The following HCFC2 variants were observed in gnomAD, a reference collection of about 807,000 sequenced individuals.
The protein encoded by HCFC2 is host cell factor C2, also known as host cell factor 2.
In HCFC2, 18 loss-of-function variants were observed where a neutral mutation model predicts 89.2. The observed-to-expected ratio is 0.20, with a 90% CI of 0.14 to 0.30. The LOEUF is 0.30. Among genes scored for constraint, HCFC2 ranks in the 10% least tolerant of loss-of-function variants. HCFC2 has a pLI of 1.00. For missense variants in HCFC2, 578 were observed against 956.1 expected (o/e 0.60, Z 5.21); for synonymous variants, 308 against 335.7 (o/e 0.92, Z 0.90).
At chr12:104,086,793 C>G in intron 7 of HCFC2, 54 bp from the exon 8 acceptor site, 1 of 1,508,186 alleles carries the variant, frequency 6.6e-7, no homozygotes, top group Non-Finnish European at 9.1e-7. Flanking sequence ...ATTATATCAG[C>G]AAACCATTTA....
rs1364815628 is a variant in HCFC2, at chr12:104,103,794, C to G, written c.*521C>G. 6.6e-6 allele frequency: 1 copy of G among 152,040 alleles called. No individual in the cohort carries two copies. The highest frequency in any genetic ancestry group is 1.5e-5 in the Non-Finnish European group (1 of 67,972). The allele number at this position is 152,040 out of a possible 1,614,324, so 9.4% of individuals were successfully genotyped here. ...ATTCTAATAGTTATTTGATTCCTTT[C>G]TTTGTTTACAGTTAGCACAGAGCTT... is the stretch of plus-strand genomic sequence containing the variant. On this transcript the variant is annotated 3_prime_UTR_variant, in exon 15 of 15. Coordinates refer to ENST00000229330, the MANE Select transcript of HCFC2 (RefSeq NM_013320.3).
chr12:104,082,815 G>A lies in HCFC2; in HGVS notation c.977G>A (p.Arg326Gln), dbSNP rs1883724164. The change falls in exon 7 of 15, where the codon CGA becomes CAA. Residue 326 changes from arginine to glutamine, a missense_variant. Transcript: ENST00000229330. Reference sequence around the variant, plus strand: ...CACTGTGCTGTTGCAATCGGCACTCGATTGTATTTTTGGAGTGGAAGAGAT... The same window carrying A: ...CACTGTGCTGTTGCAATCGGCACTCAATTGTATTTTTGGAGTGGAAGAGAT... ...AGHCAVAIGT[R>Q]LYFWSGRDGY... The A allele has an allele frequency of 1.2e-6, 2 of 1,613,798 alleles. No individual in the cohort carries two copies. Among genetic ancestry groups the A allele is most frequent in the Admixed American group, 1.7e-5 (1 of 59,968 alleles).
chr12:104,088,609 A>T (rs1883936370), intron 9 of HCFC2, among the ~76,000 whole-genome samples: 1 of 152,198 alleles, frequency 6.6e-6, no homozygotes, highest in African/African-American at 2.4e-5. Context: ...GTAAACTGCC[A>T]TCTACCTCAG....
chr12:104,103,134 A>G lies in HCFC2; in HGVS notation c.2240A>G (p.Gln747Arg). Residue 747 changes from glutamine to arginine, a missense_variant, in exon 15 of 15, where the codon CAA becomes CGA. Around this residue, in one of 4 missense-constraint regions of HCFC2, gnomAD observed 140 missense variants for 266.4 expected, o/e 0.53. Transcript: ENST00000229330. ...LKTSCIVTAGQLANAHIDYTS... is the reference protein window; with the variant it reads ...LKTSCIVTAGRLANAHIDYTS... ...ACATCATGTATAGTAACTGCTGGGC[A>G]ACTTGCAAATGCACATATTGATTAT... is the stretch of plus-strand genomic sequence containing the variant. 1 of 1,614,186 alleles carries G rather than the reference A, an allele frequency of 6.2e-7. No homozygotes were observed. Among genetic ancestry groups the G allele is most frequent in the Non-Finnish European group, 8.5e-7 (1 of 1,179,990 alleles).
Position 104,102,126 on chromosome 12 carries a change from A to T in HCFC2, c.2037A>T (p.Gly679=). ...EFKTCIPGFP[G]APSAVRISKN... ...AAACTTGTATTCCTGGTTTTCCTGG[A>T]GCTCCTTCTGCAGTCAGAATTTCAA... The change falls in exon 14 of 15, where the codon GGA becomes GGT. Residue 679 remains glycine (G), a synonymous_variant. Transcript: ENST00000229330. The T allele has an allele frequency of 6.2e-7, 1 of 1,613,762 alleles. No homozygotes were observed.
At chr12:104,102,649 G>A (rs112032346) in intron 14 of HCFC2, among the ~76,000 whole-genome samples, 82 of 152,222 alleles carry the variant, frequency 5.4e-4, no homozygotes, top group African/African-American at 1.8e-3. Flanking sequence ...TAGAGCACTC[G>A]AAACTGGATT....
At chr12:104,066,600 C>T (rs1054373560) in intron 2 of HCFC2, among the ~76,000 whole-genome samples, 1 of 152,202 alleles carries the variant, frequency 6.6e-6, no homozygotes, top group East Asian at 1.9e-4. Context: ...ATATCTGTTA[C>T]GTAGCATCAG....
intron 7 of HCFC2, 32 bp from the exon 8 acceptor site, chr12:104,086,815 C>T: frequency 4.4e-6 from 7 of 1,596,058 alleles, no homozygotes; most frequent in Non-Finnish European, 6.0e-6. Context: ...ACACTGGAAA[C>T]TTAAATGTAT....
Position 104,103,098 on chromosome 12 carries a change from G to T in HCFC2, c.2204G>T (p.Cys735Phe). 1 of 1,614,044 alleles carries T rather than the reference G, an allele frequency of 6.2e-7. No individual in the cohort carries two copies. Among genetic ancestry groups the T allele is most frequent in the Non-Finnish European group, 8.5e-7 (1 of 1,179,944 alleles). Residue 735 changes from cysteine to phenylalanine, a missense_variant, in exon 15 of 15, where the codon TGT (cysteine) becomes TTT (phenylalanine). Physicochemically the swap from Cys to Phe is radical, Grantham distance 205. This residue lies in a region of HCFC2 where 140 missense variants were observed against 266.4 expected (regional missense o/e 0.53). Transcript: ENST00000229330. ...CAACTTGTGTTCATGAGGATTTATT[G>T]TGGTCTTAAGACATCATGTATAGTA... ...PSQLVFMRIY[C>F]GLKTSCIVTA...
At position 104,103,352 on chromosome 12, in the gene HCFC2, T is replaced by A; in HGVS notation, c.*79T>A. On this transcript the variant is annotated 3_prime_UTR_variant, in exon 15 of 15. Transcript: ENST00000229330. ...TATGAAGATTTGTCATTTAAAAGAG[T>A]ATTCTCTGGCTGTATTTCCAGCAGT... The A allele has an allele frequency of 8.4e-7, 1 of 1,186,612 alleles. No individual in the cohort carries two copies. Among genetic ancestry groups the A allele is most frequent in the Non-Finnish European group, 1.2e-6 (1 of 839,162 alleles). 73.5% of individuals were successfully genotyped at this position (1,186,612 alleles called of 1,614,324 possible).
chr12:104,078,714 C>T (rs1883589285), intron 3 of HCFC2, among the ~76,000 whole-genome samples: 1 of 151,886 alleles, frequency 6.6e-6, no homozygotes, highest in African/African-American at 2.4e-5. Context: ...GTAAACTGCC[C>T]CAAAATTTAA....
chr12:104,095,596 A>T lies in HCFC2; in HGVS notation c.1666+33A>T, dbSNP rs542784103. 5.6e-5 allele frequency: 86 copies of T among 1,532,800 alleles called. 2 individuals carry two copies. In the South Asian group the frequency reaches 8.8e-4, roughly 16 times the overall value. The allele number at this position is 1,532,800 out of a possible 1,614,324, so 94.9% of individuals were successfully genotyped here. A position where few individuals can be genotyped will look rare whatever the true frequency, so the allele number is the denominator to read the frequency against. On this transcript the variant is annotated intron_variant, in intron 11 of 14. Transcript: ENST00000229330. The surrounding 1 kb of genome is among the most constrained non-coding windows in gnomAD (Gnocchi z 4.2). ...ATGTGTTTCACATACTGTATTTTGA[A>T]CCATTTATGTATATAAATTCATCAA...
At chr12:104,097,165 T>C (rs1884201510) in intron 12 of HCFC2, among the ~76,000 whole-genome samples, 1 of 152,184 alleles carries the variant, frequency 6.6e-6, no homozygotes, top group African/African-American at 2.4e-5. Context: ...ACTTAATTTC[T>C]GTGAGCAAGA....
chr12:104,081,763 G>C (rs1883692041), intron 5 of HCFC2, among the ~76,000 whole-genome samples: 1 of 152,022 alleles, frequency 6.6e-6, no homozygotes, highest in Admixed American at 6.6e-5. Context: ...GCTGTAGCCA[G>C]GCGTGGTGGC....
chr12:104,074,360 G>A (rs764043950), intron 3 of HCFC2, among the ~76,000 whole-genome samples: 8 of 151,936 alleles, frequency 5.3e-5, no homozygotes, highest in African/African-American at 1.2e-4. Flanking sequence ...AGGTCTTTCC[G>A]TGTTGCCCAG....
At chr12:104,079,325 G>A (rs1883610416) in intron 3 of HCFC2, 120 bp from the exon 4 acceptor site, 1 of 750,778 alleles carries the variant, frequency 1.3e-6, no homozygotes, top group Non-Finnish European at 2.1e-6. Context: ...CTCTCCTAAT[G>A]CCTTTCTGTA....
At chr12:104,067,527 T>G (rs1883186626) in intron 2 of HCFC2, among the ~76,000 whole-genome samples, 1 of 152,230 alleles carries the variant, frequency 6.6e-6, no homozygotes, top group African/African-American at 2.4e-5. Context: ...AGAGAATAAG[T>G]TTTGGAATTT....
rs2030007434 is a variant in HCFC2, at chr12:104,103,392, T to C, written c.*119T>C. ...TTTCCAGCAGTTATGAACTTGAGTT[T>C]GTAAATTGTTCTTAAAATGTATTTG... On this transcript the variant is annotated 3_prime_UTR_variant, in exon 15 of 15. Coordinates refer to ENST00000229330, the MANE Select transcript of HCFC2 (RefSeq NM_013320.3). 2.5e-6 allele frequency: 2 copies of C among 813,454 alleles called. No individual in the cohort carries two copies. The highest frequency in any genetic ancestry group is 3.8e-6 in the Non-Finnish European group (2 of 532,294). 50.4% of individuals were successfully genotyped at this position (813,454 alleles called of 1,614,324 possible). A position where few individuals can be genotyped will look rare whatever the true frequency, so the allele number is the denominator to read the frequency against.
Position 104,093,466 on chromosome 12 carries a change from A to C in HCFC2, c.1365A>C (p.Lys455Asn). 1 of 1,613,468 alleles carries C rather than the reference A, an allele frequency of 6.2e-7. No homozygotes were observed. Among genetic ancestry groups the C allele is most frequent in the Non-Finnish European group, 8.5e-7 (1 of 1,179,590 alleles). Residue 455 changes from lysine (K) to asparagine (N), a missense_variant, in exon 10 of 15, where the codon AAA becomes AAC. Coordinates refer to ENST00000229330, the MANE Select transcript of HCFC2 (RefSeq NM_013320.3). ...ETSMKNKPDF[K>N]ALTDSNAILY... is the part of the protein sequence containing the mutation. ...CAATGAAAAACAAACCAGACTTTAA[A>C]GCACTGACGGATTCTAATGCCATTT...
Sources: gnomAD v4.1 joint callset for allele counts (sites outside exome capture counted in the v4.1 genomes callset) on GRCh38, gnomAD v4.1.1 for gene constraint, gnomAD v4.1.1 regional missense constraint, Gnocchi (gnomAD v3.1) non-coding constraint, MANE v1.5 for transcripts, NCBI Gene and HGNC (gene_info 2026-07-23, HGNC 2026-07-21) for gene names.